PRKCH: variants seen among roughly 807,000 people sequenced by gnomAD.
The protein encoded by PRKCH is protein kinase C eta.
In PRKCH, 28 loss-of-function variants were observed where a neutral mutation model predicts 82.5. The ratio of observed to expected loss-of-function variants is 0.34; its 90% CI spans 0.25 to 0.47. The LOEUF (loss-of-function observed/expected upper bound fraction) is 0.47, where lower values mean the gene tolerates loss of function less well. Ranked by LOEUF, PRKCH falls within the 20% of genes least tolerant of loss-of-function variation. The pLI, the probability that PRKCH is intolerant of heterozygous loss-of-function variation, is 1.00. For missense variants in PRKCH, 705 were observed against 881.8 expected, an observed-to-expected ratio of 0.80 and a Z score of 2.54; for synonymous variants, 322 against 327.4, an observed-to-expected ratio of 0.98 and a Z score of 0.18.
At chr14:61,206,268 G>A (rs1164526243) in intron 1 of PRKCH, among the ~76,000 whole-genome samples, 7 of 152,216 alleles carry the variant, frequency 4.6e-5, no homozygotes, top group Non-Finnish European at 7.3e-5. Context: ...TGTCATCCGG[G>A]CTGCAGTTCC....
intron 10 of PRKCH, among the ~76,000 whole-genome samples, chr14:61,485,981 T>C (rs1536017): frequency 0.87 from 132,002 of 152,088 alleles, 59,030 homozygotes; most frequent in Non-Finnish European, 0.96. Context: ...TTGCCCAGGC[T>C]TCACAAAGGT....
intron 1 of PRKCH, among the ~76,000 whole-genome samples, chr14:61,191,505 T>C (rs573140420): frequency 1.3e-5 from 2 of 152,308 alleles, no homozygotes; most frequent in South Asian, 4.1e-4. Flanking sequence ...AAACCCCATC[T>C]CTACTAAAGA....
At chr14:61,544,802 A>C (rs1159494715) in intron 12 of PRKCH, 1 of 152,242 alleles carries the variant, frequency 6.6e-6, no homozygotes, top group Non-Finnish European at 1.5e-5. Context: ...GTTACTCAAC[A>C]CCACTGCCCC....
rs1566868983 is a variant in PRKCH, at chr14:61,415,299, AAAG to A, written c.427+24014_427+24016del. 8.5e-5 allele frequency among the ~76,000 whole-genome samples: 13 copies of A among 152,346 alleles called. No individual in the cohort carries two copies. The South Asian group carries it at 2.7e-3, about 32-fold the overall frequency. ...GATATGTGAGGGTATAAAGTGAGGC[AAAG>A]AAAAGGCAAAAAGATGAAGTTCCTG... On this transcript the variant is annotated intron_variant, in intron 2 of 13. Coordinates refer to ENST00000332981, the MANE Select transcript of PRKCH (RefSeq NM_006255.5).
intron 2 of PRKCH, among the ~76,000 whole-genome samples, chr14:61,391,503 T>A (rs1471839855): frequency 6.6e-6 from 1 of 152,196 alleles, no homozygotes; most frequent in African/African-American, 2.4e-5. Context: ...CAATCTCACG[T>A]TTCATTTAAC....
chr14:61,545,687 G>T (rs1343174114), intron 12 of PRKCH, among the ~76,000 whole-genome samples: 2 of 152,246 alleles, frequency 1.3e-5, no homozygotes, highest in African/African-American at 2.4e-5. Context: ...AAGAGGCTAA[G>T]TATCAAGCTA....
intron 1 of PRKCH, among the ~76,000 whole-genome samples, chr14:61,376,306 C>T (rs1393430304): frequency 6.6e-6 from 1 of 152,128 alleles, no homozygotes; most frequent in Non-Finnish European, 1.5e-5. Flanking sequence ...ATTCTTTGCT[C>T]TTTGAACTGT....
chr14:61,281,031 G>A (rs1274142399), intron 1 of PRKCH: 5 of 1,532,578 alleles, frequency 3.3e-6, no homozygotes, highest in South Asian at 1.2e-5. Context: ...CCGCGCAGAA[G>A]AAGAGCGGCA....
At chr14:61,286,534 T>C (rs2045315140) in intron 1 of PRKCH, among the ~76,000 whole-genome samples, 1 of 152,124 alleles carries the variant, frequency 6.6e-6, no homozygotes, top group Non-Finnish European at 1.5e-5. Context: ...CCCAGCACTT[T>C]GGGAGGCCGA....
intron 1 of PRKCH, among the ~76,000 whole-genome samples, chr14:61,205,959 A>C (rs2044520287): frequency 6.6e-6 from 1 of 152,052 alleles, no homozygotes; most frequent in African/African-American, 2.4e-5. Flanking sequence ...TCACCTCTCT[A>C]ATACATCATC....
chr14:61,480,062 CA>C (rs1320360897), intron 9 of PRKCH, among the ~76,000 whole-genome samples: 24 of 152,200 alleles, frequency 1.6e-4, no homozygotes, highest in Admixed American at 1.6e-3. Flanking sequence ...TCCTACCACA[CA>C]GGTCAGGGCA....
chr14:61,207,759 G>A (rs932457241), intron 1 of PRKCH, among the ~76,000 whole-genome samples: 9 of 152,210 alleles, frequency 5.9e-5, no homozygotes, highest in African/African-American at 2.2e-4. Context: ...TATCAATACA[G>A]ATAAGGAAGG....
chr14:61,500,775 G>A (rs988259508), intron 10 of PRKCH, among the ~76,000 whole-genome samples: 1 of 152,120 alleles, frequency 6.6e-6, no homozygotes, highest in Non-Finnish European at 1.5e-5. Flanking sequence ...ACTTGCTCAA[G>A]GGTGAATTAC....
chr14:61,540,829 C>T (rs886165282), intron 12 of PRKCH, among the ~76,000 whole-genome samples: 1 of 152,206 alleles, frequency 6.6e-6, no homozygotes, highest in Non-Finnish European at 1.5e-5. Flanking sequence ...CCAATCTTAG[C>T]AGGATAGAGC....
At chr14:61,373,191 G>A (rs561713746) in intron 1 of PRKCH, among the ~76,000 whole-genome samples, 110 of 152,096 alleles carry the variant, frequency 7.2e-4, no homozygotes, top group Non-Finnish European at 1.2e-3. Flanking sequence ...AGAACTACTT[G>A]AGACTGGGTA....
At chr14:61,268,226 A>G (rs975103930) in intron 1 of PRKCH, among the ~76,000 whole-genome samples, 1 of 152,210 alleles carries the variant, frequency 6.6e-6, no homozygotes, top group Non-Finnish European at 1.5e-5. Flanking sequence ...ATGGATTGTG[A>G]GAAGCCAAGA....
At chr14:61,513,627 T>C (rs2042779203) in intron 10 of PRKCH, among the ~76,000 whole-genome samples, 1 of 152,176 alleles carries the variant, frequency 6.6e-6, no homozygotes, top group South Asian at 2.1e-4. Flanking sequence ...AGTAAATTAC[T>C]AGAAAAATGA....
intron 4 of PRKCH, among the ~76,000 whole-genome samples, chr14:61,448,867 C>T (rs76277499): frequency 0.017 from 2,579 of 152,046 alleles, 81 homozygotes; most frequent in African/African-American, 0.059. Context: ...GGAATGTTTT[C>T]GATTATGGGG....
At chr14:61,498,467 C>T (rs969611232) in intron 10 of PRKCH, among the ~76,000 whole-genome samples, 1 of 152,184 alleles carries the variant, frequency 6.6e-6, no homozygotes, top group Admixed American at 6.5e-5. Context: ...CTACAGAAGT[C>T]ACAAAGCCAT....
Sources: gnomAD v4.1 joint callset for allele counts (sites outside exome capture counted in the v4.1 genomes callset) on GRCh38, gnomAD v4.1.1 for gene constraint, MANE v1.5 for transcripts, NCBI Gene and HGNC (gene_info 2026-07-23, HGNC 2026-07-21) for gene names.